Variants in MMD observed in about 807,000 individuals in gnomAD.
MMD encodes the protein monocyte to macrophage differentiation associated.
In MMD, 22 loss-of-function variants were observed where a neutral mutation model predicts 33.6. The observed-to-expected ratio is 0.66, with a 90% confidence interval of 0.47 to 0.94. The LOEUF is 0.94. Among genes scored for constraint, MMD ranks in the 40% least tolerant of loss-of-function variants. MMD has a pLI of 0.00. For synonymous variants in MMD, 97 were observed against 103.2 expected (o/e 0.94, Z 0.36); for missense variants, 242 against 309.8 (o/e 0.78, Z 1.64).
chr17:55,394,165 G>A lies in MMD; in HGVS notation c.*169C>T, dbSNP rs1264301544. Reference sequence around the variant, plus strand: ...TCACTACCTTATTTATTTGCTGTGAGGCAGAAAATTCCAGAACACAGCCTT... The same window carrying A: ...TCACTACCTTATTTATTTGCTGTGAAGCAGAAAATTCCAGAACACAGCCTT... On this transcript the variant is annotated 3_prime_UTR_variant, in exon 7 of 7. Transcript: ENST00000262065. The A allele has an allele frequency of 2.1e-6, 1 of 481,394 alleles. No homozygotes were observed. The highest frequency in any genetic ancestry group is 3.5e-6 in the Non-Finnish European group (1 of 289,246). 29.8% of individuals were successfully genotyped at this position (481,394 alleles called of 1,614,324 possible).
At chr17:55,413,463 A>C (rs1042966621) in intron 2 of MMD, among the ~76,000 whole-genome samples, 6 of 152,196 alleles carry the variant, frequency 3.9e-5, no homozygotes, top group Admixed American at 2.0e-4. Flanking sequence ...AGAGACACAC[A>C]TATACACACA....
intron 3 of MMD, among the ~76,000 whole-genome samples, chr17:55,410,217 C>T (rs374761505): frequency 2.1e-4 from 32 of 152,232 alleles, no homozygotes; most frequent in African/African-American, 6.7e-4. Context: ...AAAGATCCTC[C>T]CAGCTCTAAA....
chr17:55,404,611 G>A (rs1907473576), intron 4 of MMD: 1 of 985,352 alleles, frequency 1.0e-6, no homozygotes, highest in Non-Finnish European at 1.2e-6. Flanking sequence ...CAAACCAAGT[G>A]TGTCTCCATT....
chr17:55,416,689 C>T (rs899648692), intron 1 of MMD, among the ~76,000 whole-genome samples: 1 of 152,198 alleles, frequency 6.6e-6, no homozygotes, highest in Admixed American at 6.5e-5. Flanking sequence ...TAAATCAACT[C>T]CCACACTCTG....
chr17:55,404,330 G>T lies in MMD; in HGVS notation c.345-462C>A, dbSNP rs57745288. ...AGATTGCACCACTGCACTCCAGTCT[G>T]GGCGACAGAGCAAGACTCCACCTAA... On this transcript the variant is annotated intron_variant, in intron 4 of 6. Coordinates refer to ENST00000262065, the MANE Select transcript of MMD (RefSeq NM_012329.3). 81 of 477,430 alleles carry T rather than the reference G, an allele frequency of 1.7e-4. No homozygotes were observed. In the South Asian group the frequency reaches 2.6e-3, roughly 15 times the overall value. 29.6% of individuals were successfully genotyped at this position (477,430 alleles called of 1,614,324 possible).
intron 5 of MMD, among the ~76,000 whole-genome samples, chr17:55,403,514 T>C (rs1907425974): frequency 6.6e-6 from 1 of 152,230 alleles, no homozygotes; most frequent in South Asian, 2.1e-4. Context: ...TGAAGTCTGA[T>C]GGACTCCAAA....
rs1907009635 is a variant in MMD, at chr17:55,393,961, T to C, written c.*373A>G. 1 of 156,902 alleles carries C rather than the reference T, an allele frequency of 6.4e-6. No homozygotes were observed. Among genetic ancestry groups the C allele is most frequent in the South Asian group, 2.1e-4 (1 of 4,878 alleles). 9.7% of individuals were successfully genotyped at this position (156,902 alleles called of 1,614,324 possible). A position where few individuals can be genotyped will look rare whatever the true frequency, so the allele number is the denominator to read the frequency against. Reference sequence around the variant, plus strand: ...GTGAATGGGAAAGTAATAGAAACAATTTTCTTCTTAAAAAGGAAGGTTTGT... The same window carrying C: ...GTGAATGGGAAAGTAATAGAAACAACTTTCTTCTTAAAAAGGAAGGTTTGT... On this transcript the variant is annotated 3_prime_UTR_variant, in exon 7 of 7. Transcript: ENST00000262065.
chr17:55,411,696 T>A (rs63034164), intron 2 of MMD, among the ~76,000 whole-genome samples: 1 of 87,834 alleles, frequency 1.1e-5, no homozygotes, highest in Admixed American at 1.2e-4. Context: ...AAACAGATGG[T>A]TTTTTTTTTT....
chr17:55,420,835 A>G (rs1908155101), intron 1 of MMD, among the ~76,000 whole-genome samples: 1 of 152,148 alleles, frequency 6.6e-6, no homozygotes, highest in Non-Finnish European at 1.5e-5. Flanking sequence ...TCATGGGCTA[A>G]CCTCCATCCA....
At position 55,401,496 on chromosome 17, in the gene MMD, G is replaced by C. The variant is rs763760406; in HGVS notation, c.489C>G (p.Phe163Leu). The change falls in exon 6 of 7, where the codon TTC becomes TTG. Residue 163 changes from phenylalanine to leucine, a missense_variant. By Grantham distance (22) the Phe-to-Leu change is conservative. Coordinates refer to ENST00000262065, the MANE Select transcript of MMD (RefSeq NM_012329.3). ...VELFFYLTMG[F>L]SPALVVTSMN... is the part of the protein sequence containing the mutation. ...TTGATGTCACCACCAAGGCTGGAGA[G>C]AATCCCATTGTGAGATAGAAAAAGA... The C allele has an allele frequency of 6.2e-7, 1 of 1,612,070 alleles. No homozygotes were observed. The highest frequency in any genetic ancestry group is 8.5e-7 in the Non-Finnish European group (1 of 1,179,344).
At position 55,403,726 on chromosome 17, in the gene MMD, G is replaced by A. The variant is rs562612049; in HGVS notation, c.446+41C>T. 4.7e-6 allele frequency: 7 copies of A among 1,478,020 alleles called. No homozygotes were observed. In the African/African-American group the frequency reaches 9.8e-5, roughly 21 times the overall value. The allele number at this position is 1,478,020 out of a possible 1,614,324, so 91.6% of individuals were successfully genotyped here. ...TTGCAGTGCAGATAATATTTAGGCA[G>A]TCAATTTTAAAACTATCAAATGTAA... On this transcript the variant is annotated intron_variant, in intron 5 of 6. Transcript: ENST00000262065.
intron 6 of MMD, among the ~76,000 whole-genome samples, chr17:55,400,443 G>A (rs1907281473): frequency 6.6e-6 from 1 of 152,014 alleles, no homozygotes; most frequent in African/African-American, 2.4e-5. Context: ...CAGCTACTTA[G>A]GAGGCTGAGG....
At chr17:55,397,503 C>A (rs547656990) in intron 6 of MMD, among the ~76,000 whole-genome samples, 2 of 151,264 alleles carry the variant, frequency 1.3e-5, no homozygotes, top group African/African-American at 4.9e-5. Flanking sequence ...TTTTCCTTTC[C>A]GCATTTTATT....
chr17:55,393,817 T>C lies in MMD; in HGVS notation c.*517A>G, dbSNP rs1487944436. 3.9e-5 allele frequency: 6 copies of C among 152,656 alleles called. No homozygotes were observed. The highest frequency in any genetic ancestry group is 1.4e-4 in the African/African-American group (6 of 41,462). The allele number at this position is 152,656 out of a possible 1,614,324, so 9.5% of individuals were successfully genotyped here. On this transcript the variant is annotated 3_prime_UTR_variant, in exon 7 of 7. Transcript: ENST00000262065. ...GAGGACCTGCAGAGATGCATATCAA[T>C]GAAATATTTTTTTAAAAATTTACAA...
Position 55,394,496 on chromosome 17 carries a change from GC to G in MMD, c.554del (p.Gly185AlafsTer2). 1 of 1,527,676 alleles carries G rather than the reference GC, an allele frequency of 6.5e-7. No individual in the cohort carries two copies. Among genetic ancestry groups the G allele is most frequent in the African/African-American group, 1.4e-5 (1 of 70,080 alleles). 94.6% of individuals were successfully genotyped at this position (1,527,676 alleles called of 1,614,324 possible). A position where few individuals can be genotyped will look rare whatever the true frequency, so the allele number is the denominator to read the frequency against. On this transcript the variant is annotated frameshift_variant, in exon 7 of 7. Transcript: ENST00000262065. LOFTEE classifies it high-confidence loss of function. ...TDGLQELACG[G>X]LIYCLGVVFF... Reference sequence around the variant, plus strand: ...ACACAACTCCCAAGCAATAAATTAAGCCCCCACAGGCAAGTTCCTGAAGTCC... The same window carrying G: ...ACACAACTCCCAAGCAATAAATTAAGCCCCACAGGCAAGTTCCTGAAGTCC...
rs754856673 is a variant in MMD at position 55,414,204 on chromosome 17, C to T, written c.55G>A (p.Gly19Ser). The change falls in exon 2 of 7, where the codon GGC becomes AGC. Residue 19 changes from glycine (G) to serine (S), a missense_variant. Transcript: ENST00000262065. The part of the protein sequence containing the change: ...RFMNHRAPAN[G>S]RYKPTCYEHA... Reference sequence around the variant, plus strand: ...TCATAGCAAGTTGGCTTGTAGCGGCCATTGGCTGGAGCTCGATGGTTCATG... The same window carrying T: ...TCATAGCAAGTTGGCTTGTAGCGGCTATTGGCTGGAGCTCGATGGTTCATG... The T allele has an allele frequency of 6.2e-7, 1 of 1,613,872 alleles. No individual in the cohort carries two copies. The highest frequency in any genetic ancestry group is 1.1e-5 in the South Asian group (1 of 91,076).
chr17:55,406,842 C>T (rs115398071), intron 4 of MMD, among the ~76,000 whole-genome samples: 2,600 of 151,696 alleles, frequency 0.017, 104 homozygotes, highest in African/African-American at 0.06. Context: ...GCTGCATGGC[C>T]AACACAGTGA....
chr17:55,400,953 A>C (rs942609145), intron 6 of MMD, among the ~76,000 whole-genome samples: 8 of 152,188 alleles, frequency 5.3e-5, no homozygotes, highest in Non-Finnish European at 2.9e-5. Context: ...AAAACAGAAC[A>C]AACAAACAAA....
At chr17:55,406,608 T>C (rs924717352) in intron 4 of MMD, among the ~76,000 whole-genome samples, 2 of 151,554 alleles carry the variant, frequency 1.3e-5, no homozygotes, top group Non-Finnish European at 2.9e-5. Flanking sequence ...TGGCCAAGCA[T>C]GGTGGCTCAT....
Sources: allele counts gnomAD v4.1 joint callset (sites outside exome capture counted in the v4.1 genomes callset), GRCh38; gene constraint gnomAD v4.1.1; transcripts MANE v1.5; gene names NCBI Gene and HGNC (gene_info 2026-07-23, HGNC 2026-07-21).